The following ME1 variants were observed in gnomAD, a reference collection of about 807,000 sequenced individuals.
ME1 encodes malic enzyme 1, also known as NADP-dependent malic enzyme.
ME1 carries 74 observed loss-of-function variants against 66.4 expected under a neutral mutation model. The observed-to-expected ratio is 1.11, with a 90% CI of 0.92 to 1.35. The LOEUF is 1.35. ME1 is among the 40% of genes most tolerant of loss of function. The pLI is 0.00. For synonymous variants in ME1, 251 were observed against 235.6 expected, an observed-to-expected ratio of 1.07 and a Z score of -0.60; for missense variants, 750 against 694.1, an observed-to-expected ratio of 1.08 and a Z score of -0.90.
Position 83,344,791 on chromosome 6 carries a change from G to A in ME1, c.600+1382C>T, listed in dbSNP as rs539632544. On this transcript the variant is annotated intron_variant, in intron 5 of 13. Transcript: ENST00000369705. ...CCAGCTACTTGGGAGGCTGAGGCAG[G>A]AGAATCGCTTGAACCCGGGAGGCGG... Among the ~76,000 whole-genome samples, 197 of 152,010 alleles carry A rather than the reference G, an allele frequency of 1.3e-3. 1 individual carries two copies. The highest frequency in any genetic ancestry group is 1.9e-3 in the Admixed American group (29 of 15,262).
intron 5 of ME1, among the ~76,000 whole-genome samples, chr6:83,319,836 A>G (rs971170245): frequency 2.6e-5 from 4 of 152,202 alleles, no homozygotes; most frequent in African/African-American, 9.7e-5. Context: ...ATTTAGAGCC[A>G]TATGATTCCT....
At chr6:83,429,115 T>C (rs1263856342) in intron 1 of ME1, among the ~76,000 whole-genome samples, 2 of 151,974 alleles carry the variant, frequency 1.3e-5, no homozygotes, top group Admixed American at 6.6e-5. Flanking sequence ...TACAAAAAAT[T>C]TGCCGGGCAT....
intron 9 of ME1, among the ~76,000 whole-genome samples, chr6:83,232,311 G>A (rs1790322414): frequency 6.6e-6 from 1 of 152,092 alleles, no homozygotes; most frequent in Non-Finnish European, 1.5e-5. Flanking sequence ...CACTGCATTT[G>A]TTGCAAATCA....
intron 9 of ME1, among the ~76,000 whole-genome samples, chr6:83,235,361 T>A (rs1434658973): frequency 6.6e-6 from 1 of 152,164 alleles, no homozygotes; most frequent in Non-Finnish European, 1.5e-5. Flanking sequence ...CAACACCCGA[T>A]CCATAGGTGG....
Position 83,346,219 on chromosome 6 carries a change from G to A in ME1, c.554C>T (p.Pro185Leu). Residue 185 changes from proline to leucine, a missense_variant, in exon 5 of 14, where the codon CCT becomes CTT. Coordinates refer to ENST00000369705, the MANE Select transcript of ME1 (RefSeq NM_002395.6). ...CAGAATGACAGGCAGACATTCTTGAGGATTCATCCCTCCGCAAGCTGTATA... is the reference window on the plus strand; with the variant it reads ...CAGAATGACAGGCAGACATTCTTGAAGATTCATCCCTCCGCAAGCTGTATA... Reference protein sequence around the residue: ...ALYTACGGMNPQECLPVILDV... With the variant: ...ALYTACGGMNLQECLPVILDV... 1.2e-6 allele frequency: 2 copies of A among 1,611,342 alleles called. No homozygotes were observed. The highest frequency in any genetic ancestry group is 1.3e-5 in the African/African-American group (1 of 74,918).
At chr6:83,385,447 A>G (rs1196895860) in intron 3 of ME1, among the ~76,000 whole-genome samples, 1 of 151,912 alleles carries the variant, frequency 6.6e-6, no homozygotes, top group African/African-American at 2.4e-5. Context: ...TGAACGTACC[A>G]CACAGATTGT....
At position 83,416,435 on chromosome 6, in the gene ME1, C is replaced by T. The variant is rs372831206; in HGVS notation, c.79-8534G>A. On this transcript the variant is annotated intron_variant, in intron 1 of 13. Transcript: ENST00000369705. The stretch of plus-strand genomic sequence containing the variant: ...TGCTTCTGGTGAAGAACCAATTTAG[C>T]CCCCTATCAGAGGCTTTTAACTTAA... 2.6e-5 allele frequency among the ~76,000 whole-genome samples: 4 copies of T among 152,252 alleles called. No homozygotes were observed. The East Asian group carries it at 7.7e-4, about 29-fold the overall frequency.
intron 3 of ME1, among the ~76,000 whole-genome samples, chr6:83,357,063 T>A (rs1175599511): frequency 1.3e-5 from 2 of 152,222 alleles, no homozygotes. Flanking sequence ...TTAGTGTTTT[T>A]ATAGAATGTC....
intron 1 of ME1, among the ~76,000 whole-genome samples, chr6:83,419,997 T>C (rs975251904): frequency 2.0e-5 from 3 of 152,186 alleles, no homozygotes; most frequent in African/African-American, 7.2e-5. Context: ...AAGAGGGGAC[T>C]TCACTGAAAA....
At chr6:83,230,367 T>C (rs972977908) in intron 9 of ME1, among the ~76,000 whole-genome samples, 6 of 152,002 alleles carry the variant, frequency 3.9e-5, no homozygotes, top group African/African-American at 4.8e-5. Flanking sequence ...AGGCTCTGTT[T>C]TTAAAAGCAA....
At chr6:83,421,573 G>T (rs1770269623) in intron 1 of ME1, among the ~76,000 whole-genome samples, 1 of 152,180 alleles carries the variant, frequency 6.6e-6, no homozygotes, top group Non-Finnish European at 1.5e-5. Flanking sequence ...TAAGTTTCCT[G>T]GCATTTTTTC....
intron 3 of ME1, chr6:83,393,383 G>T: frequency 1.3e-6 from 1 of 764,144 alleles, no homozygotes; most frequent in South Asian, 1.5e-5. Flanking sequence ...GTGGACCTCT[G>T]CCCACAGTGT....
intron 2 of ME1, among the ~76,000 whole-genome samples, chr6:83,407,567 T>G (rs1562005802): frequency 6.6e-6 from 1 of 152,220 alleles, no homozygotes; most frequent in Non-Finnish European, 1.5e-5. Context: ...GCACGCAGTT[T>G]AGAAAGCAAA....
chr6:83,375,759 A>G (rs1035474481), intron 3 of ME1, among the ~76,000 whole-genome samples: 10 of 152,086 alleles, frequency 6.6e-5, no homozygotes, highest in African/African-American at 2.4e-4. Flanking sequence ...TTATTTTGAG[A>G]TATGTTCCAT....
intron 8 of ME1, among the ~76,000 whole-genome samples, chr6:83,238,797 AAAATAT>A (rs1562455974): frequency 5.5e-5 from 3 of 54,296 alleles, no homozygotes; most frequent in African/African-American, 1.5e-4. Flanking sequence ...AGTTTCTTGA[AAAATAT>A]ATATATATAT....
intron 5 of ME1, among the ~76,000 whole-genome samples, chr6:83,323,300 C>T (rs1210524627): frequency 6.6e-6 from 1 of 151,998 alleles, no homozygotes; most frequent in South Asian, 2.1e-4. Flanking sequence ...ATTCAAACAA[C>T]AATATTAACC....
intron 3 of ME1, among the ~76,000 whole-genome samples, chr6:83,386,520 C>T (rs1469713349): frequency 6.6e-6 from 1 of 151,836 alleles, no homozygotes; most frequent in Non-Finnish European, 1.5e-5. Flanking sequence ...CCAGAAACTC[C>T]CATTCTGGTC....
At chr6:83,283,652 G>A (rs1325181816) in intron 6 of ME1, among the ~76,000 whole-genome samples, 4 of 152,062 alleles carry the variant, frequency 2.6e-5, no homozygotes, top group South Asian at 2.1e-4. Context: ...AGAAATATGC[G>A]ATTATATAAA....
chr6:83,348,185 G>A (rs375056327), intron 4 of ME1, among the ~76,000 whole-genome samples: 2 of 152,130 alleles, frequency 1.3e-5, no homozygotes, highest in East Asian at 1.9e-4. Flanking sequence ...GAAGCAATCC[G>A]ATACTACTGG....
Sources: allele counts gnomAD v4.1 joint callset (sites outside exome capture counted in the v4.1 genomes callset), GRCh38; gene constraint gnomAD v4.1.1; transcripts MANE v1.5; gene names NCBI Gene and HGNC (gene_info 2026-07-23, HGNC 2026-07-21).